Variants in GRIP1 observed in about 807,000 individuals in gnomAD.
GRIP1 encodes the protein glutamate receptor-interacting protein 1.
In GRIP1, 45 loss-of-function variants were observed where a neutral mutation model predicts 129.9. That is an observed-to-expected ratio of 0.35 (90% CI 0.27 to 0.44). GRIP1 has a LOEUF of 0.44. Ranked by LOEUF, GRIP1 falls within the 20% of genes least tolerant of loss-of-function variation. The pLI is 1.00. For synonymous variants in GRIP1, 530 were observed against 520.8 expected (o/e 1.02, Z -0.24); for missense variants, 1,196 against 1,396.8 (o/e 0.86, Z 2.29).
intron 1 of GRIP1, among the ~76,000 whole-genome samples, chr12:66,712,583 C>T (rs1485931475): frequency 1.3e-5 from 2 of 151,918 alleles, no homozygotes; most frequent in East Asian, 1.9e-4. Flanking sequence ...TGAAGTCAAA[C>T]ATAAGCAAAC....
At chr12:66,888,813 C>T (rs981148961) in intron 1 of GRIP1, among the ~76,000 whole-genome samples, 2 of 152,014 alleles carry the variant, frequency 1.3e-5, no homozygotes, top group African/African-American at 4.8e-5. Context: ...AACACAGTTG[C>T]TATCATCAAA....
intron 1 of GRIP1, among the ~76,000 whole-genome samples, chr12:66,912,407 A>C (rs2041045156): frequency 6.6e-6 from 1 of 152,190 alleles, no homozygotes; most frequent in Non-Finnish European, 1.5e-5. Flanking sequence ...TTCTAAAAAA[A>C]ATGTATAGAT....
chr12:66,804,776 T>C (rs984317334), upstream of GRIP1, among the ~76,000 whole-genome samples: 9 of 152,232 alleles, frequency 5.9e-5, no homozygotes, highest in Non-Finnish European at 1.3e-4. Context: ...CTTGAAAAGC[T>C]ATTGTTTTGC....
At chr12:66,652,469 T>C (rs1306981766) in intron 1 of GRIP1, among the ~76,000 whole-genome samples, 2 of 152,202 alleles carry the variant, frequency 1.3e-5, no homozygotes, top group African/African-American at 2.4e-5. Flanking sequence ...ACAAATTACC[T>C]TGGGTATTTC....
In GRIP1 at chr12:66,359,283, T is replaced by C. The variant is rs79605529; in HGVS notation, c.3013-5720A>G. Among the ~76,000 whole-genome samples, 873 of 152,324 alleles carry C rather than the reference T, an allele frequency of 5.7e-3. 3 individuals carry two copies. The highest frequency in any genetic ancestry group is 0.02 in the African/African-American group (826 of 41,576). On this transcript the variant is annotated intron_variant, in intron 23 of 24. Coordinates refer to ENST00000359742, the MANE Select transcript of GRIP1 (RefSeq NM_001366722.1). Reference sequence around the variant, plus strand: ...CTTTGGTCTTAGATCTGAGGCATGTTTTCCAACATAGTAAACCAGAATCCT... The same window carrying C: ...CTTTGGTCTTAGATCTGAGGCATGTCTTCCAACATAGTAAACCAGAATCCT...
chr12:67,023,333 A>G (rs1286496500), intron 1 of GRIP1, among the ~76,000 whole-genome samples: 4 of 152,236 alleles, frequency 2.6e-5, no homozygotes, highest in African/African-American at 4.8e-5. Context: ...ATGGAAGCAC[A>G]TACTTTCCAT....
rs2062546573 is a variant in GRIP1, at chr12:66,561,870, G to GATTGCT, written c.137-19926_137-19921dup. On this transcript the variant is annotated intron_variant, in intron 2 of 24. Coordinates refer to ENST00000359742, the MANE Select transcript of GRIP1 (RefSeq NM_001366722.1). Reference sequence around the variant, plus strand: ...GTAATTTGGGAGGCTGAGGTGGGAGGATTGCTTGAGCTAAGCAGTTTGAGA... The same window carrying GATTGCT: ...GTAATTTGGGAGGCTGAGGTGGGAGGATTGCTATTGCTTGAGCTAAGCAGTTTGAGA... Among the ~76,000 whole-genome samples the GATTGCT allele has an allele frequency of 2.0e-5, 3 of 152,128 alleles. No homozygotes were observed. The South Asian group carries it at 6.2e-4, about 32-fold the overall frequency.
chr12:66,376,446 CCTAGA>C (rs577372195), intron 22 of GRIP1, among the ~76,000 whole-genome samples: 36 of 152,286 alleles, frequency 2.4e-4, no homozygotes, highest in Non-Finnish European at 3.5e-4. Context: ...TCCAGGACTT[CCTAGA>C]CTAAAGTGTG....
chr12:66,505,002 G>C (rs1378116222), intron 7 of GRIP1, among the ~76,000 whole-genome samples: 3 of 152,112 alleles, frequency 2.0e-5, no homozygotes, highest in Admixed American at 2.0e-4. Flanking sequence ...ACAGTCCCAT[G>C]ACAGGCAGAA....
chr12:66,693,157 T>TG (rs2035037233), intron 1 of GRIP1, among the ~76,000 whole-genome samples: 2 of 152,122 alleles, frequency 1.3e-5, no homozygotes, highest in Admixed American at 1.3e-4. Flanking sequence ...AGCCAGGTCA[T>TG]GAGCTTATGA....
At chr12:66,654,147 T>C (rs2032990034) in intron 1 of GRIP1, among the ~76,000 whole-genome samples, 1 of 152,054 alleles carries the variant, frequency 6.6e-6, no homozygotes. Flanking sequence ...TTTTTCAACA[T>C]AGGAATAGAA....
intron 1 of GRIP1, among the ~76,000 whole-genome samples, chr12:66,864,231 T>C (rs2040162375): frequency 6.6e-6 from 1 of 152,108 alleles, no homozygotes; most frequent in Admixed American, 6.6e-5. Context: ...GTCCTCAATA[T>C]ACACCATGAT....
intron 16 of GRIP1, among the ~76,000 whole-genome samples, chr12:66,396,507 T>C (rs904593000): frequency 7.2e-5 from 11 of 152,186 alleles, no homozygotes; most frequent in Non-Finnish European, 1.3e-4. Flanking sequence ...GACGCAAAGA[T>C]GACAAAATAA....
intron 14 of GRIP1, 88 bp downstream of exon 14, chr12:66,432,460 T>C (rs1055330437): frequency 2.8e-5 from 22 of 791,996 alleles, no homozygotes; most frequent in Middle Eastern, 2.4e-4. Flanking sequence ...CAAAGACATA[T>C]AAAACATTTG....
At chr12:66,502,583 G>T (rs2060421181) in intron 7 of GRIP1, among the ~76,000 whole-genome samples, 1 of 152,076 alleles carries the variant, frequency 6.6e-6, no homozygotes. Context: ...TCATGGCTTG[G>T]TGCTGTCCTC....
chr12:66,560,824 T>A (rs2062500771), intron 2 of GRIP1, among the ~76,000 whole-genome samples: 1 of 152,056 alleles, frequency 6.6e-6, no homozygotes, highest in African/African-American at 2.4e-5. Flanking sequence ...CATATACCCA[T>A]ATACTGCTAG....
intron 2 of GRIP1, among the ~76,000 whole-genome samples, chr12:66,592,772 A>C (rs1202796318): frequency 6.6e-6 from 1 of 152,198 alleles, no homozygotes; most frequent in Non-Finnish European, 1.5e-5. Flanking sequence ...AATATGCCAA[A>C]CTCAAAGTCT....
rs112869743 is a variant in GRIP1 at position 66,380,862 on chromosome 12, G to A, written c.2465-1426C>T. On this transcript the variant is annotated intron_variant, in intron 19 of 24. Transcript: ENST00000359742. ...TGTGCATGTGTATTTACATGGATGC[G>A]CTGGCTTGGAATATGGTATGTGTTT... is the stretch of plus-strand genomic sequence containing the variant. 3.4e-3 allele frequency among the ~76,000 whole-genome samples: 518 copies of A among 152,196 alleles called. 3 individuals carry two copies. Among genetic ancestry groups the A allele is most frequent in the African/African-American group, 0.012 (506 of 41,496 alleles).
intron 2 of GRIP1, among the ~76,000 whole-genome samples, chr12:66,586,471 C>G (rs181635168): frequency 6.6e-6 from 1 of 152,276 alleles, no homozygotes; most frequent in Admixed American, 6.5e-5. Context: ...GACCTCATCT[C>G]AATCTATCTG....
Sources: gnomAD v4.1 joint callset for allele counts (sites outside exome capture counted in the v4.1 genomes callset) on GRCh38, gnomAD v4.1.1 for gene constraint, MANE v1.5 for transcripts, NCBI Gene and HGNC (gene_info 2026-07-23, HGNC 2026-07-21) for gene names.